Variants in CSMD1 observed in about 807,000 individuals in gnomAD.
CSMD1 encodes CUB and Sushi multiple domains 1, also known as CUB and sushi domain-containing protein 1.
In CSMD1, 213 loss-of-function variants were observed where a neutral mutation model predicts 417.5. The ratio of observed to expected loss-of-function variants is 0.51; its 90% CI spans 0.46 to 0.57. The LOEUF (loss-of-function observed/expected upper bound fraction) is 0.57, where lower values mean the gene tolerates loss of function less well. Among genes scored for constraint, CSMD1 ranks in the 20% least tolerant of loss-of-function variants. CSMD1 has a pLI of 0.00. For synonymous variants in CSMD1, 2,862 were observed against 1,736.8 expected, an observed-to-expected ratio of 1.65 and a Z score of -16.11; for missense variants, 6,923 against 4,529.7, an observed-to-expected ratio of 1.53 and a Z score of -15.17.
At chr8:3,799,145 A>G (rs1800321793) in intron 5 of CSMD1, among the ~76,000 whole-genome samples, 1 of 152,142 alleles carries the variant, frequency 6.6e-6, no homozygotes, top group Non-Finnish European at 1.5e-5. Context: ...TTAACACTTC[A>G]ATAAAAAGTT....
Position 3,519,507 on chromosome 8 carries a change from T to C in CSMD1, c.1345-25781A>G, listed in dbSNP as rs116356064. Among the ~76,000 whole-genome samples the C allele has an allele frequency of 4.6e-3, 706 of 152,268 alleles. 5 individuals carry two copies. Among genetic ancestry groups the C allele is most frequent in the African/African-American group, 0.016 (647 of 41,542 alleles). On this transcript the variant is annotated intron_variant, in intron 10 of 69. Coordinates refer to ENST00000635120, the MANE Select transcript of CSMD1 (RefSeq NM_033225.6). Reference sequence around the variant, plus strand: ...CTACATTCAAACTCCAGCCAGCTTGTCTAGTATACAGCACAGTGTCAGAAA... The same window carrying C: ...CTACATTCAAACTCCAGCCAGCTTGCCTAGTATACAGCACAGTGTCAGAAA...
chr8:4,024,897 T>C (rs763524301), intron 4 of CSMD1, among the ~76,000 whole-genome samples: 11 of 152,134 alleles, frequency 7.2e-5, no homozygotes, highest in African/African-American at 2.2e-4. Flanking sequence ...TGTTCCATCA[T>C]AGAATAAATG....
At chr8:3,848,192 G>T (rs112737225) in intron 5 of CSMD1, among the ~76,000 whole-genome samples, 3 of 152,038 alleles carry the variant, frequency 2.0e-5, no homozygotes, top group African/African-American at 7.2e-5. Flanking sequence ...AAAAGCCAAT[G>T]TCAGGAACAA....
chr8:4,005,151 G>A (rs930635761), intron 4 of CSMD1, among the ~76,000 whole-genome samples: 3 of 152,056 alleles, frequency 2.0e-5, no homozygotes, highest in Admixed American at 6.6e-5. Context: ...GAGTGGGAGT[G>A]GGGAAAGGGG....
At chr8:3,846,542 G>A (rs941402968) in intron 5 of CSMD1, among the ~76,000 whole-genome samples, 1 of 152,176 alleles carries the variant, frequency 6.6e-6, no homozygotes, top group Non-Finnish European at 1.5e-5. Context: ...GATTAATTGG[G>A]CTAGAGCATA....
chr8:4,765,633 A>C (rs1422744639), intron 1 of CSMD1, among the ~76,000 whole-genome samples: 1 of 152,240 alleles, frequency 6.6e-6, no homozygotes, highest in African/African-American at 2.4e-5. Flanking sequence ...AAGGCAGAAA[A>C]CTGCTCACTA....
At chr8:3,381,202 A>G (rs1328934115) in intron 18 of CSMD1, among the ~76,000 whole-genome samples, 2 of 152,178 alleles carry the variant, frequency 1.3e-5, no homozygotes, top group African/African-American at 2.4e-5. Context: ...AGGTATGACT[A>G]AAATGACTGC....
intron 5 of CSMD1, among the ~76,000 whole-genome samples, chr8:3,772,969 G>A (rs34401599): frequency 0.073 from 11,087 of 152,126 alleles, 505 homozygotes; most frequent in Middle Eastern, 0.12. Flanking sequence ...AGGTGCCAGT[G>A]GATCCCACTT....
At chr8:4,626,239 C>G (rs1244556097) in intron 2 of CSMD1, among the ~76,000 whole-genome samples, 2 of 152,088 alleles carry the variant, frequency 1.3e-5, no homozygotes, top group Non-Finnish European at 2.9e-5. Flanking sequence ...ATGAAGCAAT[C>G]CCTTGTGTTA....
rs1350390117 is a variant in CSMD1 at position 3,767,499 on chromosome 8, A to C, written c.819-13457T>G. On this transcript the variant is annotated intron_variant, in intron 5 of 69. Transcript: ENST00000635120. ...CAAGCATCTTTTTCTACTTCCCCCA[A>C]CCTAACTAAGGCTTAGATTATGCTC... 7.2e-5 allele frequency among the ~76,000 whole-genome samples: 11 copies of C among 152,158 alleles called. No individual in the cohort carries two copies. In the South Asian group the frequency reaches 2.1e-3, roughly 29 times the overall value.
intron 3 of CSMD1, among the ~76,000 whole-genome samples, chr8:4,326,438 A>G (rs9314525): frequency 2.0e-5 from 3 of 152,000 alleles, no homozygotes; most frequent in African/African-American, 7.3e-5. Flanking sequence ...GCAGCTACTG[A>G]GCAAGAGGTA....
intron 3 of CSMD1, among the ~76,000 whole-genome samples, chr8:4,271,910 G>C (rs1048993303): frequency 1.3e-5 from 2 of 152,142 alleles, no homozygotes; most frequent in Non-Finnish European, 2.9e-5. Context: ...ATTGGTTCGA[G>C]GATCCCCATA....
rs116207713 is a variant in CSMD1, at chr8:4,948,113, T to C, written c.85+46219A>G. ...TTTTAAGTGCCAATTATTTTCCAAA[T>C]GGTCGTATCAATTTATACTACTATC... On this transcript the variant is annotated intron_variant, in intron 1 of 69. Transcript: ENST00000635120. Among the ~76,000 whole-genome samples, 753 of 152,166 alleles carry C rather than the reference T, an allele frequency of 4.9e-3. 6 individuals carry two copies. The highest frequency in any genetic ancestry group is 0.018 in the African/African-American group (728 of 41,550).
At chr8:3,780,303 G>T (rs140206157) in intron 5 of CSMD1, among the ~76,000 whole-genome samples, 1 of 152,122 alleles carries the variant, frequency 6.6e-6, no homozygotes, top group Non-Finnish European at 1.5e-5. Context: ...TTCGTATTCC[G>T]CAAATGAGTC....
intron 2 of CSMD1, among the ~76,000 whole-genome samples, chr8:4,584,901 G>A (rs1348654711): frequency 2.0e-5 from 3 of 152,094 alleles, no homozygotes; most frequent in Admixed American, 2.0e-4. Context: ...ATTGGATTAA[G>A]CAGCTCAAAT....
intron 2 of CSMD1, among the ~76,000 whole-genome samples, chr8:4,569,052 T>C (rs972309365): frequency 6.6e-6 from 1 of 152,220 alleles, no homozygotes; most frequent in Non-Finnish European, 1.5e-5. Context: ...CAAAATTTTC[T>C]CCCATTCTGT....
chr8:4,717,408 TAC>T (rs1316847377), intron 1 of CSMD1, among the ~76,000 whole-genome samples: 8 of 145,594 alleles, frequency 5.5e-5, no homozygotes, highest in Non-Finnish European at 3.0e-5. Flanking sequence ...TATACATATA[TAC>T]ACACACACTA....
intron 12 of CSMD1, among the ~76,000 whole-genome samples, chr8:3,415,653 C>T (rs1439973077): frequency 6.6e-6 from 1 of 152,170 alleles, no homozygotes; most frequent in Non-Finnish European, 1.5e-5. Context: ...AGCCATTGTG[C>T]CTGGCCTTGT....
intron 40 of CSMD1, among the ~76,000 whole-genome samples, chr8:3,144,404 G>A (rs562180498): frequency 3.2e-4 from 48 of 152,120 alleles, no homozygotes; most frequent in African/African-American, 1.1e-3. Flanking sequence ...AAAATAGAAC[G>A]TGAAAAACTG....
Sources: gnomAD v4.1 joint callset for allele counts (sites outside exome capture counted in the v4.1 genomes callset) on GRCh38, gnomAD v4.1.1 for gene constraint, MANE v1.5 for transcripts, NCBI Gene and HGNC (gene_info 2026-07-23, HGNC 2026-07-21) for gene names.